Variants in LRRC4C observed in about 807,000 individuals in gnomAD.
LRRC4C encodes the protein leucine rich repeat containing 4C.
LRRC4C carries 5 observed loss-of-function variants against 33.6 expected under a neutral mutation model. The observed-to-expected ratio is 0.15, with a 90% CI of 0.08 to 0.31. The LOEUF (loss-of-function observed/expected upper bound fraction) is 0.31, where lower values mean the gene tolerates loss of function less well. Among genes scored for constraint, LRRC4C ranks in the 10% least tolerant of loss-of-function variants. The pLI, the probability that LRRC4C is intolerant of heterozygous loss-of-function variation, is 1.00. For missense variants in LRRC4C, 560 were observed against 796.7 expected, an observed-to-expected ratio of 0.70 and a Z score of 3.58; for synonymous variants, 329 against 302.0, an observed-to-expected ratio of 1.09 and a Z score of -0.93.
At chr11:41,325,236 G>A (rs1176790485) in intron 1 of LRRC4C, among the ~76,000 whole-genome samples, 1 of 152,064 alleles carries the variant, frequency 6.6e-6, no homozygotes, top group East Asian at 1.9e-4. Flanking sequence ...CATGCAAAAT[G>A]TATATTAAGC....
At chr11:41,011,318 T>A (rs1293520239) in intron 1 of LRRC4C, among the ~76,000 whole-genome samples, 1 of 152,122 alleles carries the variant, frequency 6.6e-6, no homozygotes, top group Non-Finnish European at 1.5e-5. Context: ...AACTCCAAGA[T>A]TAGGCTTTCT....
intron 1 of LRRC4C, among the ~76,000 whole-genome samples, chr11:41,408,424 C>A (rs1954324247): frequency 6.6e-6 from 1 of 152,068 alleles, no homozygotes; most frequent in Non-Finnish European, 1.5e-5. Flanking sequence ...TCCCCATTAG[C>A]CCCACTTGGA....
chr11:40,322,077 G>A (rs2136862836), intron 3 of LRRC4C, among the ~76,000 whole-genome samples: 1 of 152,088 alleles, frequency 6.6e-6, no homozygotes, highest in African/African-American at 2.4e-5. Context: ...GGCTGGAAGG[G>A]ACTCACCAAT....
intron 1 of LRRC4C, among the ~76,000 whole-genome samples, chr11:40,936,043 T>C (rs1438821440): frequency 1.4e-5 from 1 of 69,810 alleles, no homozygotes; most frequent in Non-Finnish European, 2.9e-5. Context: ...TATATATATA[T>C]ATATATATAT....
chr11:40,697,366 A>G lies in LRRC4C; in HGVS notation c.-406-49088T>C, dbSNP rs575957888. Among the ~76,000 whole-genome samples, 34 of 152,276 alleles carry G rather than the reference A, an allele frequency of 2.2e-4. No homozygotes were observed. In the East Asian group the frequency reaches 6.0e-3, roughly 27 times the overall value. On this transcript the variant is annotated intron_variant, in intron 2 of 6. Transcript: ENST00000528697. The stretch of plus-strand genomic sequence containing the variant: ...CAAGGAGGCTGAAAGGACAGTGGCT[A>G]TTTTAAGGATCCAAAAAAAATTATG...
At chr11:41,205,702 C>A (rs1423756606) in intron 1 of LRRC4C, among the ~76,000 whole-genome samples, 3 of 152,118 alleles carry the variant, frequency 2.0e-5, no homozygotes, top group African/African-American at 7.2e-5. Flanking sequence ...TTCAGGAATT[C>A]CTAACACTTA....
intron 1 of LRRC4C, among the ~76,000 whole-genome samples, chr11:41,000,629 G>A (rs1854304464): frequency 6.6e-6 from 1 of 152,118 alleles, no homozygotes; most frequent in Non-Finnish European, 1.5e-5. Context: ...GCAACAATTG[G>A]CTGGAGCACC....
chr11:40,903,702 G>A (rs1017982387), intron 2 of LRRC4C, among the ~76,000 whole-genome samples: 2 of 152,142 alleles, frequency 1.3e-5, no homozygotes, highest in Middle Eastern at 3.4e-3. Flanking sequence ...CATGGTTAAT[G>A]GGGTACAAAA....
chr11:40,617,000 A>C (rs112235060), intron 3 of LRRC4C, among the ~76,000 whole-genome samples: 2,166 of 151,770 alleles, frequency 0.014, 31 homozygotes, highest in African/African-American at 0.049. Context: ...TCATTTCAGA[A>C]AATTACATGA....
chr11:41,003,145 T>G (rs181614787), intron 1 of LRRC4C, among the ~76,000 whole-genome samples: 37 of 152,284 alleles, frequency 2.4e-4, no homozygotes, highest in African/African-American at 8.9e-4. Context: ...AACTGTAAAC[T>G]AAATAAAAGC....
At chr11:40,143,337 G>C (rs548256973) in intron 5 of LRRC4C, among the ~76,000 whole-genome samples, 1 of 151,966 alleles carries the variant, frequency 6.6e-6, no homozygotes, top group Non-Finnish European at 1.5e-5. Flanking sequence ...ATGGCTTCTC[G>C]CAACACTCAG....
At chr11:40,152,705 G>A (rs1362128777) in intron 5 of LRRC4C, among the ~76,000 whole-genome samples, 1 of 152,080 alleles carries the variant, frequency 6.6e-6, no homozygotes, top group Non-Finnish European at 1.5e-5. Flanking sequence ...TGACTCAGCA[G>A]AGGCAGCCAT....
At chr11:41,133,608 C>A (rs1019476868) in intron 1 of LRRC4C, among the ~76,000 whole-genome samples, 1 of 151,668 alleles carries the variant, frequency 6.6e-6, no homozygotes, top group Non-Finnish European at 1.5e-5. Context: ...ACTCCCTCCA[C>A]TTTAGAGTTT....
At chr11:40,315,259 C>CGT (rs774791682) in intron 4 of LRRC4C, among the ~76,000 whole-genome samples, 28 of 151,234 alleles carry the variant, frequency 1.9e-4, no homozygotes, top group Admixed American at 2.6e-4. Context: ...AAAGGGATGG[C>CGT]GTGTGTGTGT....
intron 1 of LRRC4C, among the ~76,000 whole-genome samples, chr11:40,977,443 T>C (rs1327608230): frequency 6.6e-6 from 1 of 152,162 alleles, no homozygotes; most frequent in African/African-American, 2.4e-5. Context: ...ACACTATGTA[T>C]ATCAAAGAAT....
intron 1 of LRRC4C, among the ~76,000 whole-genome samples, chr11:41,062,271 C>CCTTCAAA (rs755704907): frequency 4.7e-4 from 72 of 152,220 alleles, no homozygotes; most frequent in Non-Finnish European, 7.8e-4. Context: ...CAAAAGGCAC[C>CCTTCAAA]AGTGTGTGTT....
At chr11:41,245,455 C>G (rs566633935) in intron 1 of LRRC4C, among the ~76,000 whole-genome samples, 3 of 152,316 alleles carry the variant, frequency 2.0e-5, no homozygotes, top group Admixed American at 2.0e-4. Flanking sequence ...GGCACCAGCA[C>G]GGGTACTGGC....
At chr11:40,212,729 A>T (rs778901653) in intron 5 of LRRC4C, among the ~76,000 whole-genome samples, 2 of 152,166 alleles carry the variant, frequency 1.3e-5, no homozygotes, top group Non-Finnish European at 2.9e-5. Context: ...AAGAGAAAAC[A>T]GAGGTGCAAG....
chr11:41,344,226 C>CT (rs34736782), intron 1 of LRRC4C, among the ~76,000 whole-genome samples: 49,907 of 118,408 alleles, frequency 0.42, 11,543 homozygotes, highest in Non-Finnish European at 0.49. Context: ...TGAAGCCTTT[C>CT]TTTTTTTTTT....
Sources: allele counts gnomAD v4.1 joint callset (sites outside exome capture counted in the v4.1 genomes callset), GRCh38; gene constraint gnomAD v4.1.1; transcripts MANE v1.5; gene names NCBI Gene and HGNC (gene_info 2026-07-23, HGNC 2026-07-21).